IQCM: variants seen among roughly 807,000 people sequenced by gnomAD.
IQCM encodes the protein IQ motif containing M.
Under a neutral mutation model 57.6 loss-of-function variants are expected in IQCM, and 45 were observed. The ratio of observed to expected loss-of-function variants is 0.78; its 90% CI spans 0.62 to 1.00. The LOEUF (loss-of-function observed/expected upper bound fraction) is 1.00, where lower values mean the gene tolerates loss of function less well. Among genes scored for constraint, IQCM ranks in the 50% least tolerant of loss-of-function variants. The pLI is 0.00. For missense variants in IQCM, 468 were observed against 511.6 expected (o/e 0.91, Z 0.82); for synonymous variants, 148 against 158.9 (o/e 0.93, Z 0.51).
Position 149,568,397 on chromosome 4 carries a change from T to C in IQCM, c.750-4507A>G, listed in dbSNP as rs189089471. Among the ~76,000 whole-genome samples the C allele has an allele frequency of 4.0e-3, 610 of 152,300 alleles. 16 individuals carry two copies. Among genetic ancestry groups the C allele is most frequent in the Admixed American group, 0.037 (560 of 15,288 alleles). On this transcript the variant is annotated intron_variant, in intron 9 of 13. Coordinates refer to ENST00000636793, the MANE Select transcript of IQCM (RefSeq NM_001363507.2). ...TCCATATTTTTGTCTAATTCAATAC[T>C]GTATTCAGGGCTGTCCTGTTTATCA...
At chr4:149,772,257 G>T (rs898468147) in intron 2 of IQCM, among the ~76,000 whole-genome samples, 2 of 151,786 alleles carry the variant, frequency 1.3e-5, no homozygotes, top group Admixed American at 1.3e-4. Flanking sequence ...ATAAATAAAT[G>T]GAATATTACA....
At chr4:149,602,625 C>T (rs1032373454) in intron 8 of IQCM, among the ~76,000 whole-genome samples, 8 of 151,908 alleles carry the variant, frequency 5.3e-5, no homozygotes, top group African/African-American at 1.7e-4. Context: ...CTGATGTCTT[C>T]ATTTATGTAA....
chr4:149,409,409 G>A (rs146133524), intron 13 of IQCM, among the ~76,000 whole-genome samples: 1 of 152,200 alleles, frequency 6.6e-6, no homozygotes, highest in Non-Finnish European at 1.5e-5. Flanking sequence ...CTGAGTCATA[G>A]GATGTGGCAA....
rs539113133 is a variant in IQCM, at chr4:149,763,138, G to A, written c.-48-20399C>T. Among the ~76,000 whole-genome samples the A allele has an allele frequency of 2.1e-4, 32 of 151,810 alleles. No individual in the cohort carries two copies. The South Asian group carries it at 2.9e-3, about 14-fold the overall frequency. On this transcript the variant is annotated intron_variant, in intron 2 of 13. Transcript: ENST00000636793. ...AAATATTATGGCTTTGTATTTGTAC[G>A]GAACTCATCATCATCATCACGGTCG...
chr4:149,632,625 A>G (rs894658381), intron 7 of IQCM, among the ~76,000 whole-genome samples: 1 of 152,196 alleles, frequency 6.6e-6, no homozygotes, highest in African/African-American at 2.4e-5. Flanking sequence ...GGATGATTAC[A>G]GAACAAAATT....
intron 13 of IQCM, among the ~76,000 whole-genome samples, chr4:149,367,967 C>T (rs982964564): frequency 1.3e-5 from 2 of 151,912 alleles, no homozygotes; most frequent in African/African-American, 4.8e-5. Context: ...ATATCTTTTA[C>T]CTATTTTGCT....
rs529190046 is a variant in IQCM at position 149,726,071 on chromosome 4, AAAAGAAAGAAAGAAAGAAAGAAAG to A, written c.385+7149_385+7172del. On this transcript the variant is annotated intron_variant, in intron 5 of 13. Coordinates refer to ENST00000636793, the MANE Select transcript of IQCM (RefSeq NM_001363507.2). ...CTTCCCAACCATTTCTCTTCCCTCTAAAAGAAAGAAAGAAAGAAAGAAAGAAAGAAAGAAAGAAAGAAAGAAAGA... is the reference window on the plus strand; with the variant it reads ...CTTCCCAACCATTTCTCTTCCCTCTAAAAGAAAGAAAGAAAGAAAGAAAGA... Among the ~76,000 whole-genome samples, 407 of 94,786 alleles carry A rather than the reference AAAAGAAAGAAAGAAAGAAAGAAAG, an allele frequency of 4.3e-3. 4 individuals carry two copies. The highest frequency in any genetic ancestry group is 6.8e-3 in the Non-Finnish European group (334 of 49,044). The allele number at this position is 94,786 out of a possible 152,430, so 62.2% of individuals were successfully genotyped here.
At position 149,358,508 on chromosome 4, in the gene IQCM, G is replaced by A. The variant is rs543609923; in HGVS notation, c.1391-6442C>T. On this transcript the variant is annotated intron_variant, in intron 13 of 13. Coordinates refer to ENST00000636793, the MANE Select transcript of IQCM (RefSeq NM_001363507.2). ...CTTCCTTCATTTCGTTATGTACACAGTAGTCATTCAGGAGCAGGTTGTTCA... is the reference window on the plus strand; with the variant it reads ...CTTCCTTCATTTCGTTATGTACACAATAGTCATTCAGGAGCAGGTTGTTCA... Among the ~76,000 whole-genome samples the A allele has an allele frequency of 1.3e-5, 2 of 152,254 alleles. 1 individual carries two copies. Among genetic ancestry groups the A allele is most frequent in the East Asian group, 3.9e-4 (2 of 5,186 alleles).
intron 5 of IQCM, among the ~76,000 whole-genome samples, chr4:149,721,164 C>T (rs1007497493): frequency 2.0e-5 from 3 of 152,070 alleles, no homozygotes; most frequent in African/African-American, 7.2e-5. Flanking sequence ...AAAAACAATA[C>T]AACCACTATT....
chr4:149,656,679 G>A (rs1033546422), intron 7 of IQCM, among the ~76,000 whole-genome samples: 4 of 152,074 alleles, frequency 2.6e-5, no homozygotes, highest in Admixed American at 1.3e-4. Flanking sequence ...AAACAACATG[G>A]CCTTTGCTCT....
At chr4:149,547,419 C>T (rs537617140) in intron 12 of IQCM, among the ~76,000 whole-genome samples, 2 of 152,130 alleles carry the variant, frequency 1.3e-5, no homozygotes, top group Admixed American at 6.5e-5. Context: ...TGTAGTCTCA[C>T]TTATATGGGA....
intron 12 of IQCM, among the ~76,000 whole-genome samples, chr4:149,459,377 G>A (rs1156763037): frequency 6.6e-6 from 1 of 152,168 alleles, no homozygotes; most frequent in Non-Finnish European, 1.5e-5. Flanking sequence ...GAACAGTGAA[G>A]AAGTAATTGC....
chr4:149,483,480 C>T (rs1490233983), intron 12 of IQCM, among the ~76,000 whole-genome samples: 1 of 151,750 alleles, frequency 6.6e-6, no homozygotes, highest in Non-Finnish European at 1.5e-5. Flanking sequence ...CCATTACTAA[C>T]TGTTTCAAGA....
intron 12 of IQCM, among the ~76,000 whole-genome samples, chr4:149,533,335 C>T (rs1382701308): frequency 6.6e-6 from 1 of 151,842 alleles, no homozygotes; most frequent in Admixed American, 6.6e-5. Flanking sequence ...CTTAAGAAAA[C>T]ATATAAGAGA....
chr4:149,671,313 G>A (rs1761258321), intron 7 of IQCM, among the ~76,000 whole-genome samples: 1 of 152,104 alleles, frequency 6.6e-6, no homozygotes, highest in African/African-American at 2.4e-5. Context: ...GTATTTCTGT[G>A]GGATTGGTGG....
At chr4:149,564,511 T>C (rs1011299700) in intron 9 of IQCM, among the ~76,000 whole-genome samples, 8 of 152,162 alleles carry the variant, frequency 5.3e-5, no homozygotes, top group African/African-American at 1.9e-4. Flanking sequence ...TGTGAGGATG[T>C]TGCCAAAGGA....
chr4:149,412,271 T>G (rs888610853), intron 13 of IQCM, among the ~76,000 whole-genome samples: 2 of 152,056 alleles, frequency 1.3e-5, no homozygotes, highest in Non-Finnish European at 2.9e-5. Flanking sequence ...GCCTAAGAAA[T>G]TCCTCAAAAC....
chr4:149,607,349 A>C (rs1754881004), intron 8 of IQCM, among the ~76,000 whole-genome samples: 1 of 152,092 alleles, frequency 6.6e-6, no homozygotes, highest in Non-Finnish European at 1.5e-5. Context: ...AAAAGGTGAG[A>C]GATTTCACTG....
intron 13 of IQCM, among the ~76,000 whole-genome samples, chr4:149,410,391 T>C (rs1222877608): frequency 1.3e-5 from 2 of 151,520 alleles, no homozygotes; most frequent in Non-Finnish European, 2.9e-5. Flanking sequence ...TGGACGGAGA[T>C]TGTTCCACAA....
Sources: gnomAD v4.1 joint callset for allele counts (sites outside exome capture counted in the v4.1 genomes callset) on GRCh38, gnomAD v4.1.1 for gene constraint, MANE v1.5 for transcripts, NCBI Gene and HGNC (gene_info 2026-07-23, HGNC 2026-07-21) for gene names.